PLEKHB2: variants seen among roughly 807,000 people sequenced by gnomAD.
The protein encoded by PLEKHB2 is pleckstrin homology domain-containing family B member 2.
In PLEKHB2, 31 loss-of-function variants were observed where a neutral mutation model predicts 36.5. The ratio of observed to expected loss-of-function variants is 0.85; its 90% CI spans 0.64 to 1.15. PLEKHB2 has a LOEUF of 1.15. PLEKHB2 is among the 50% of genes most tolerant of loss of function. The probability of loss-of-function intolerance (pLI) is 0.00; values close to 1 mark genes in which losing one functional copy is unlikely to be tolerated. For missense variants in PLEKHB2, 262 were observed against 295.3 expected (o/e 0.89, Z 0.83); for synonymous variants, 119 against 112.0 (o/e 1.06, Z -0.39).
chr2:131,109,186 G>A (rs1334949940), intron 1 of PLEKHB2, among the ~76,000 whole-genome samples: 16 of 152,032 alleles, frequency 1.1e-4, no homozygotes, highest in Non-Finnish European at 2.4e-4. Flanking sequence ...AAAACAAAAT[G>A]TGATCAAAAT....
chr2:131,146,571 T>C, intron 7 of PLEKHB2, 66 bp from the exon 8 acceptor site: 1 of 1,512,948 alleles, frequency 6.6e-7, no homozygotes, highest in South Asian at 1.3e-5. Context: ...GGAGAACTGG[T>C]ACTTTGCGTG....
At chr2:131,123,940 C>G (rs1696833504) in intron 2 of PLEKHB2, among the ~76,000 whole-genome samples, 4 of 151,444 alleles carry the variant, frequency 2.6e-5, no homozygotes. Flanking sequence ...CCTTGATCTT[C>G]CAGGTTCAGG....
Position 131,138,189 on chromosome 2 carries a change from A to C in PLEKHB2, c.424-1978A>C, listed in dbSNP as rs142438622. Among the ~76,000 whole-genome samples, 518 of 151,792 alleles carry C rather than the reference A, an allele frequency of 3.4e-3. 1 individual carries two copies. Among genetic ancestry groups the C allele is most frequent in the Non-Finnish European group, 5.2e-3 (354 of 67,944 alleles). On this transcript the variant is annotated intron_variant, in intron 6 of 7. Coordinates refer to ENST00000693505, the MANE Select transcript of PLEKHB2 (RefSeq NM_001100623.2). Reference sequence around the variant, plus strand: ...TGGTTATTGTATTTATTAGTTCTGAAATTTTTATTTGGTTATTCTTTATAT... The same window carrying C: ...TGGTTATTGTATTTATTAGTTCTGACATTTTTATTTGGTTATTCTTTATAT...
At chr2:131,131,096 A>T (rs545154563) in intron 5 of PLEKHB2, among the ~76,000 whole-genome samples, 18 of 152,152 alleles carry the variant, frequency 1.2e-4, no homozygotes, top group Non-Finnish European at 2.4e-4. Context: ...GCCACCAGTA[A>T]TGTTTTCACA....
At chr2:131,140,389 T>G (rs888751631) in intron 7 of PLEKHB2, 114 bp downstream of exon 7, 1 of 612,836 alleles carries the variant, frequency 1.6e-6, no homozygotes, top group Non-Finnish European at 2.9e-6. Flanking sequence ...TATTTTCTGG[T>G]TGTAGACTAC....
chr2:131,112,092 G>T (rs992822841), intron 1 of PLEKHB2, among the ~76,000 whole-genome samples: 1 of 152,240 alleles, frequency 6.6e-6, no homozygotes, highest in Non-Finnish European at 1.5e-5. Context: ...ACACCTATGC[G>T]ACTTTAGAGG....
At chr2:131,130,897 C>T (rs559942932) in intron 5 of PLEKHB2, 137 bp downstream of exon 5, 5 of 649,024 alleles carry the variant, frequency 7.7e-6, no homozygotes, top group East Asian at 2.7e-5. Context: ...CCTCCCACCT[C>T]AGCCTCCCCT....
At chr2:131,145,090 G>A (rs190671388) in intron 7 of PLEKHB2, among the ~76,000 whole-genome samples, 19 of 152,254 alleles carry the variant, frequency 1.2e-4, no homozygotes, top group African/African-American at 4.1e-4. Context: ...TTGTATTTGA[G>A]GCATTAGTGG....
intron 1 of PLEKHB2, among the ~76,000 whole-genome samples, chr2:131,112,005 A>T (rs758340488): frequency 1.4e-4 from 21 of 152,164 alleles, no homozygotes; most frequent in Admixed American, 3.9e-4. Flanking sequence ...AAAATCTCCA[A>T]AATGATGTCT....
Position 131,120,972 on chromosome 2 carries a change from C to G in PLEKHB2, c.31C>G (p.Arg11Gly), listed in dbSNP as rs1263259947. MAFVKSGWLL[R>G]QSTILKRWKK... is the part of the protein sequence containing the mutation. ...GTTTGTGAAGAGTGGCTGGTTGCTG[C>G]GACAGAGTGAGTACAGGATGTGCGG... The change falls in exon 2 of 8, where the codon CGA (arginine) becomes GGA (glycine). Residue 11 changes from arginine (R) to glycine (G), a missense_variant. By Grantham distance (125) the Arg-to-Gly change is moderately radical. Transcript: ENST00000693505. 2.5e-6 allele frequency: 4 copies of G among 1,613,886 alleles called. No homozygotes were observed. Among genetic ancestry groups the G allele is most frequent in the Non-Finnish European group, 8.5e-7 (1 of 1,179,846 alleles).
intron 2 of PLEKHB2, among the ~76,000 whole-genome samples, chr2:131,125,531 C>T (rs964560494): frequency 7.2e-5 from 11 of 152,120 alleles, no homozygotes; most frequent in Non-Finnish European, 2.9e-5. Flanking sequence ...GGCGCAAAGC[C>T]AACCTTTCAG....
At position 131,146,816 on chromosome 2, in the gene PLEKHB2, G is replaced by A; in HGVS notation, c.*43G>A. ...TGTGCATAGCTTCTGATAACCCTGT[G>A]TGCAATAATATGATTTGCAGGGCAT... is the stretch of plus-strand genomic sequence containing the variant. On this transcript the variant is annotated 3_prime_UTR_variant, in exon 8 of 8. Coordinates refer to ENST00000693505, the MANE Select transcript of PLEKHB2 (RefSeq NM_001100623.2). 1 of 1,505,738 alleles carries A rather than the reference G, an allele frequency of 6.6e-7. No homozygotes were observed. Among genetic ancestry groups the A allele is most frequent in the Non-Finnish European group, 9.0e-7 (1 of 1,116,978 alleles). 93.3% of individuals were successfully genotyped at this position (1,505,738 alleles called of 1,614,324 possible).
At chr2:131,141,853 G>C (rs1419428125) in intron 7 of PLEKHB2, among the ~76,000 whole-genome samples, 1 of 152,104 alleles carries the variant, frequency 6.6e-6, no homozygotes, top group Non-Finnish European at 1.5e-5. Flanking sequence ...AGTTTCTGTT[G>C]CTTATTTCTG....
intron 6 of PLEKHB2, among the ~76,000 whole-genome samples, chr2:131,135,741 C>T (rs1048262809): frequency 2.0e-5 from 3 of 152,040 alleles, no homozygotes; most frequent in Admixed American, 6.5e-5. Flanking sequence ...GTTGTGACTA[C>T]AGGCACCTGC....
chr2:131,105,804 G>A (rs1259063738), intron 1 of PLEKHB2, among the ~76,000 whole-genome samples: 1 of 152,084 alleles, frequency 6.6e-6, no homozygotes. Context: ...CTGGCCGCTC[G>A]GGAGTGTCCC....
At chr2:131,118,179 T>G (rs1696081904) in intron 1 of PLEKHB2, among the ~76,000 whole-genome samples, 1 of 152,034 alleles carries the variant, frequency 6.6e-6, no homozygotes, top group African/African-American at 2.4e-5. Flanking sequence ...GCCAGCACAG[T>G]GAGCAGCAGT....
chr2:131,142,192 C>T (rs917695132), intron 7 of PLEKHB2, among the ~76,000 whole-genome samples: 3 of 152,228 alleles, frequency 2.0e-5, no homozygotes, highest in Admixed American at 1.3e-4. Context: ...AAAACCTTCA[C>T]ACTCCACACA....
intron 2 of PLEKHB2, 72 bp downstream of exon 2, chr2:131,121,050 G>T: frequency 2.7e-6 from 4 of 1,470,950 alleles, no homozygotes; most frequent in Non-Finnish European, 3.8e-6. Context: ...GCTTAAAGTT[G>T]ATCATATTTA....
chr2:131,136,304 T>C (rs1698252392), intron 6 of PLEKHB2, among the ~76,000 whole-genome samples: 1 of 150,452 alleles, frequency 6.6e-6, no homozygotes, highest in African/African-American at 2.5e-5. Context: ...ATTAGCTCAC[T>C]TCAGCCTGGA....
Sources: allele counts gnomAD v4.1 joint callset (sites outside exome capture counted in the v4.1 genomes callset), GRCh38; gene constraint gnomAD v4.1.1; transcripts MANE v1.5; gene names NCBI Gene and HGNC (gene_info 2026-07-23, HGNC 2026-07-21).